OOSP2: variants seen among roughly 807,000 people sequenced by gnomAD.
OOSP2 encodes oocyte-secreted protein 2.
In OOSP2, 7 loss-of-function variants were observed where a neutral mutation model predicts 13.4. The ratio of observed to expected loss-of-function variants is 0.52; its 90% CI spans 0.30 to 0.98. The LOEUF (loss-of-function observed/expected upper bound fraction) is 0.98, where lower values mean the gene tolerates loss of function less well. Among genes scored for constraint, OOSP2 ranks in the 50% least tolerant of loss-of-function variants. OOSP2 has a pLI of 0.07. For synonymous variants in OOSP2, 75 were observed against 67.2 expected, an observed-to-expected ratio of 1.12 and a Z score of -0.57; for missense variants, 184 against 188.5, an observed-to-expected ratio of 0.98 and a Z score of 0.14.
At chr11:60,042,172 G>GA (rs915489837) in intron 1 of OOSP2, among the ~76,000 whole-genome samples, 7 of 151,518 alleles carry the variant, frequency 4.6e-5, no homozygotes, top group East Asian at 1.9e-4. Context: ...ATGTTACTGT[G>GA]AAAAAAAATG....
At position 60,047,252 on chromosome 11, in the gene OOSP2, T is replaced by C. The variant is rs1855020374; in HGVS notation, c.*179T>C. On this transcript the variant is annotated 3_prime_UTR_variant, in exon 4 of 4. Transcript: ENST00000278855. ...TAGTGAATGTGTATTTCTAAATATT[T>C]GTATTCAGTAGGGGTATGGCTGATT... 4 of 535,072 alleles carry C rather than the reference T, an allele frequency of 7.5e-6. No individual in the cohort carries two copies. Among genetic ancestry groups the C allele is most frequent in the Non-Finnish European group, 1.3e-5 (4 of 302,768 alleles). The allele number at this position is 535,072 out of a possible 1,614,324, so 33.1% of individuals were successfully genotyped here. A position where few individuals can be genotyped will look rare whatever the true frequency, so the allele number is the denominator to read the frequency against.
chr11:60,040,600 C>A, intron 1 of OOSP2, 77 bp downstream of exon 1: 1 of 840,044 alleles, frequency 1.2e-6, no homozygotes, highest in Non-Finnish European at 2.1e-6. Flanking sequence ...GTGTTTTACT[C>A]CCTGAAGAAA....
intron 3 of OOSP2, chr11:60,046,671 C>T (rs537736882): frequency 1.8e-6 from 1 of 546,836 alleles, no homozygotes; most frequent in East Asian, 4.5e-5. Context: ...TCTTCTAATG[C>T]AAGCATCACA....
At chr11:60,042,772 T>C in intron 1 of OOSP2, among the ~76,000 whole-genome samples, 1 of 152,196 alleles carries the variant, frequency 6.6e-6, no homozygotes, top group East Asian at 1.9e-4. Context: ...AAAAGTATAC[T>C]GGGATGATAT....
At chr11:60,045,319 G>C (rs560082197) in intron 3 of OOSP2, among the ~76,000 whole-genome samples, 53 of 151,728 alleles carry the variant, frequency 3.5e-4, no homozygotes, top group African/African-American at 1.3e-3. Flanking sequence ...TGAATCCCAA[G>C]AGCCTCGTGT....
At chr11:60,044,872 A>G (rs568669062) in intron 3 of OOSP2, 98 bp downstream of exon 3, 1 of 540,134 alleles carries the variant, frequency 1.9e-6, no homozygotes, top group African/African-American at 1.9e-5. Context: ...ATATAACATG[A>G]TTCACCCATA....
chr11:60,043,126 G>C (rs1315432290), intron 1 of OOSP2, among the ~76,000 whole-genome samples: 1 of 151,960 alleles, frequency 6.6e-6, no homozygotes, highest in African/African-American at 2.4e-5. Context: ...GGACGGTCTC[G>C]ATCTCCTGAC....
intron 1 of OOSP2, among the ~76,000 whole-genome samples, chr11:60,041,117 A>G (rs1854923566): frequency 6.6e-6 from 1 of 152,216 alleles, no homozygotes; most frequent in Admixed American, 6.5e-5. Flanking sequence ...AGGCCTGACT[A>G]AATGTAATCT....
intron 3 of OOSP2, among the ~76,000 whole-genome samples, chr11:60,046,248 T>G (rs1368282029): frequency 1.3e-5 from 2 of 152,012 alleles, no homozygotes; most frequent in African/African-American, 4.8e-5. Flanking sequence ...TCCATCTCCA[T>G]CTCTTTGTCT....
chr11:60,045,780 C>A (rs1855000027), intron 3 of OOSP2, among the ~76,000 whole-genome samples: 1 of 152,102 alleles, frequency 6.6e-6, no homozygotes, highest in Non-Finnish European at 1.5e-5. Context: ...TTTTACTCTT[C>A]CCTTTAACTT....
chr11:60,042,676 T>C (rs1046500665), intron 1 of OOSP2, among the ~76,000 whole-genome samples: 3 of 151,968 alleles, frequency 2.0e-5, no homozygotes, highest in African/African-American at 7.2e-5. Context: ...CTTTTTCCTT[T>C]TATGGCTGAG....
rs1364619499 is a variant in OOSP2, at chr11:60,047,595, C to T, written c.*522C>T. On this transcript the variant is annotated 3_prime_UTR_variant, in exon 4 of 4. Transcript: ENST00000278855. ...TAAAGTTGAATCCTAACAATAATGCCATGTGACAACCTATTTAGATTATTC... is the reference window on the plus strand; with the variant it reads ...TAAAGTTGAATCCTAACAATAATGCTATGTGACAACCTATTTAGATTATTC... 6.6e-6 allele frequency: 1 copy of T among 152,094 alleles called. No individual in the cohort carries two copies. Among genetic ancestry groups the T allele is most frequent in the Admixed American group, 6.6e-5 (1 of 15,266 alleles). 9.4% of individuals were successfully genotyped at this position (152,094 alleles called of 1,614,324 possible). A position where few individuals can be genotyped will look rare whatever the true frequency, so the allele number is the denominator to read the frequency against.
chr11:60,041,347 C>T (rs953073506), intron 1 of OOSP2, among the ~76,000 whole-genome samples: 1 of 152,048 alleles, frequency 6.6e-6, no homozygotes, highest in African/African-American at 2.4e-5. Flanking sequence ...GTGAAGCTCA[C>T]CAGGTAACAG....
At chr11:60,046,143 TGTCTCTCTG>T (rs1855005500) in intron 3 of OOSP2, among the ~76,000 whole-genome samples, 1 of 146,062 alleles carries the variant, frequency 6.8e-6, no homozygotes, top group Admixed American at 6.7e-5. Flanking sequence ...CCTGTCTCTC[TGTCTCTCTG>T]GTCTCTCTGT....
chr11:60,041,165 A>G (rs1854923953), intron 1 of OOSP2, among the ~76,000 whole-genome samples: 2 of 151,980 alleles, frequency 1.3e-5, no homozygotes, highest in Non-Finnish European at 2.9e-5. Context: ...TATGTTCTTT[A>G]TGGTTTCTTT....
intron 1 of OOSP2, 62 bp from the exon 2 acceptor site, chr11:60,043,407 T>A (rs1023313745): frequency 1.8e-6 from 2 of 1,104,938 alleles, no homozygotes; most frequent in Non-Finnish European, 2.7e-6. Context: ...AGTTGACTAT[T>A]CTTTGAACAC....
In OOSP2 at chr11:60,044,817, AC is replaced by A. The variant is rs113167829; in HGVS notation, c.347+45del. 6.6e-6 allele frequency: 6 copies of A among 903,170 alleles called. No homozygotes were observed. The African/African-American group carries it at 8.2e-5, about 12-fold the overall frequency. 55.9% of individuals were successfully genotyped at this position (903,170 alleles called of 1,614,324 possible). On this transcript the variant is annotated intron_variant, in intron 3 of 3. Transcript: ENST00000278855. ...GATTCCTTTGGAATGTTTTAGCTTT[AC>A]CTTTGCTTATGAGAAGCTTCTGCAG...
At position 60,041,976 on chromosome 11, in the gene OOSP2, A is replaced by G. The variant is rs371248713; in HGVS notation, c.64+1453A>G. On this transcript the variant is annotated intron_variant, in intron 1 of 3. Transcript: ENST00000278855. ...CGGATCACGAGGTCAGCCAGGCGTG[A>G]TGGCGGGTGCCTGTAGCCTGTAGTC... Among the ~76,000 whole-genome samples, 795 of 149,012 alleles carry G rather than the reference A, an allele frequency of 5.3e-3. 20 individuals carry two copies. The highest frequency in any genetic ancestry group is 2.8e-3 in the South Asian group (13 of 4,658).
At position 60,047,285 on chromosome 11, in the gene OOSP2, CA is replaced by C; in HGVS notation, c.*213del. On this transcript the variant is annotated 3_prime_UTR_variant, in exon 4 of 4. Transcript: ENST00000278855. ...GTAGGGGTATGGCTGATTAATTTAA[CA>C]TTAACTATTAGGTAATTCATATTAT... The C allele has an allele frequency of 2.5e-6, 1 of 407,396 alleles. No homozygotes were observed. The highest frequency in any genetic ancestry group is 4.4e-6 in the Non-Finnish European group (1 of 228,708). The allele number at this position is 407,396 out of a possible 1,614,324, so 25.2% of individuals were successfully genotyped here. A position where few individuals can be genotyped will look rare whatever the true frequency, so the allele number is the denominator to read the frequency against.
Sources: gnomAD v4.1 joint callset for allele counts (sites outside exome capture counted in the v4.1 genomes callset) on GRCh38, gnomAD v4.1.1 for gene constraint, MANE v1.5 for transcripts, NCBI Gene and HGNC (gene_info 2026-07-23, HGNC 2026-07-21) for gene names.